Variants in MAP4 observed in about 807,000 individuals in gnomAD.
The protein encoded by MAP4 is microtubule-associated protein 4.
A neutral mutation model predicts 170.2 loss-of-function variants in MAP4; 76 were observed. The ratio of observed to expected loss-of-function variants is 0.45; its 90% confidence interval spans 0.37 to 0.54. The LOEUF (loss-of-function observed/expected upper bound fraction) is 0.54, where lower values mean the gene tolerates loss of function less well. Ranked by LOEUF, MAP4 falls within the 20% of genes least tolerant of loss-of-function variation. MAP4 has a pLI of 0.00. For missense variants in MAP4, 2,506 were observed against 2,748.0 expected, an observed-to-expected ratio of 0.91 and a Z score of 1.97; for synonymous variants, 909 against 994.5, an observed-to-expected ratio of 0.91 and a Z score of 1.62.
In MAP4 at chr3:47,875,907, GTTGATTGTTGT is replaced by G; in HGVS notation, c.5542-18_5542-8del. The stretch of plus-strand genomic sequence containing the variant: ...GTTGAGTGGTGGCCAAAGGCTTTAG[GTTGATTGTTGT>G]TTATTTTTTATTTTTATTTTTTAAA... On this transcript the variant is annotated splice_polypyrimidine_tract_variant and splice_region_variant and intron_variant, in intron 11 of 20. Coordinates refer to ENST00000683076, the MANE Select transcript of MAP4 (RefSeq NM_001385682.1). 2 of 1,571,858 alleles carry G rather than the reference GTTGATTGTTGT, an allele frequency of 1.3e-6. No homozygotes were observed. Among genetic ancestry groups the G allele is most frequent in the South Asian group, 2.4e-5 (2 of 83,840 alleles).
In MAP4 at chr3:47,911,315, G is replaced by A. The variant is rs1354979362; in HGVS notation, c.3106C>T (p.Leu1036=). 1.4e-5 allele frequency: 22 copies of A among 1,536,000 alleles called. No homozygotes were observed. Among genetic ancestry groups the A allele is most frequent in the Non-Finnish European group, 1.7e-5 (20 of 1,146,920 alleles). Residue 1036 remains leucine, a synonymous_variant, in exon 9 of 21, where the codon CTG becomes TTG. Transcript: ENST00000683076. This position sits in a 1 kb window ranked among gnomAD's most constrained non-coding sequence, Gnocchi z 4.0. The stretch of plus-strand genomic sequence containing the variant: ...ACCTGTACCAACACTTGGCCCTGCA[G>A]CTGCTCAGAAGTAAAGATGCTGATC... ...QEISIFTSEQ[L]QGQVLVQVPG...
intron 10 of MAP4, chr3:47,892,395 C>T: frequency 6.5e-7 from 1 of 1,536,238 alleles, no homozygotes; most frequent in Admixed American, 2.0e-5. Flanking sequence ...TGACTGATTT[C>T]TTTTGGGGAG....
intron 1 of MAP4, among the ~76,000 whole-genome samples, chr3:48,054,127 C>T (rs927376389): frequency 5.3e-5 from 8 of 151,840 alleles, no homozygotes; most frequent in Non-Finnish European, 1.0e-4. Context: ...CATGGTGAAA[C>T]CCCATCTCTA....
chr3:47,918,752 C>G lies in MAP4; in HGVS notation c.619G>C (p.Glu207Gln). 1 of 1,611,312 alleles carries G rather than the reference C, an allele frequency of 6.2e-7. No homozygotes were observed. Among genetic ancestry groups the G allele is most frequent in the Admixed American group, 1.7e-5 (1 of 59,992 alleles). ...GGCTGAGGAGGTTCTGCAACAGCCT[C>G]TGGGGAAACAAAGGACTCTGAGTGT... The part of the protein sequence containing the change: ...SPHSESFVSP[E>Q]AVAEPPQPTA... The change falls in exon 6 of 21, where the codon GAG becomes CAG. Residue 207 changes from glutamate to glutamine, a missense_variant. Coordinates refer to ENST00000683076, the MANE Select transcript of MAP4 (RefSeq NM_001385682.1).
chr3:48,046,783 C>T (rs2100124770), intron 1 of MAP4, among the ~76,000 whole-genome samples: 1 of 152,174 alleles, frequency 6.6e-6, no homozygotes, highest in Non-Finnish European at 1.5e-5. Flanking sequence ...CTCTCCATGA[C>T]TGTTTACTCA....
chr3:48,005,066 A>G (rs879532676), intron 1 of MAP4, among the ~76,000 whole-genome samples: 6 of 152,168 alleles, frequency 3.9e-5, no homozygotes, highest in South Asian at 2.1e-4. Context: ...CTACACTCAA[A>G]AAGAACTGTT....
At chr3:48,061,761 G>T (rs1449770878) in intron 1 of MAP4, among the ~76,000 whole-genome samples, 1 of 122,248 alleles carries the variant, frequency 8.2e-6, no homozygotes, top group East Asian at 2.6e-4. Flanking sequence ...GGCAGCCCCC[G>T]CCCGGCCAGC....
chr3:47,910,866 G>T lies in MAP4; in HGVS notation c.3555C>A (p.Val1185=). 1 of 1,535,968 alleles carries T rather than the reference G, an allele frequency of 6.5e-7. No individual in the cohort carries two copies. Among genetic ancestry groups the T allele is most frequent in the South Asian group, 1.2e-5 (1 of 84,020 alleles). Reference sequence around the variant, plus strand: ...ACCTTCCTTCCTTGCTCTGGTTATTGACACCCATATCTTTGACTACATCTC... The same window carrying T: ...ACCTTCCTTCCTTGCTCTGGTTATTTACACCCATATCTTTGACTACATCTC... ...ETGDVVKDMG[V]NNQSKEGRCP... Residue 1185 remains valine (V), a synonymous_variant, in exon 9 of 21, where the codon GTC becomes GTA. Coordinates refer to ENST00000683076, the MANE Select transcript of MAP4 (RefSeq NM_001385682.1).
chr3:47,980,448 C>T (rs949573248), intron 2 of MAP4, among the ~76,000 whole-genome samples: 9 of 152,056 alleles, frequency 5.9e-5, no homozygotes, highest in African/African-American at 1.9e-4. Context: ...TTTGGAAGAC[C>T]ACAAACATGC....
intron 10 of MAP4, chr3:47,892,796 G>A: frequency 1.7e-6 from 2 of 1,171,148 alleles, no homozygotes; most frequent in South Asian, 2.5e-5. Context: ...GTTTAGATCT[G>A]CAATTTAAAA....
intron 1 of MAP4, among the ~76,000 whole-genome samples, chr3:48,075,685 G>C (rs1466688261): frequency 6.6e-6 from 1 of 151,728 alleles, no homozygotes; most frequent in South Asian, 2.1e-4. Flanking sequence ...AAATGAAAAA[G>C]ATTTTGGGCC....
intron 1 of MAP4, among the ~76,000 whole-genome samples, chr3:48,076,757 AT>A (rs2100144143): frequency 6.6e-6 from 1 of 152,184 alleles, no homozygotes; most frequent in African/African-American, 2.4e-5. Context: ...ATCACCTTAA[AT>A]TAGGCAATCG....
chr3:48,073,250 AATACACACACACAC>A (rs1402854013), intron 1 of MAP4, among the ~76,000 whole-genome samples: 1 of 117,046 alleles, frequency 8.5e-6, no homozygotes, highest in African/African-American at 3.5e-5. Context: ...AATCCAAAGG[AATACACACACACAC>A]ACACACACAC....
intron 10 of MAP4, among the ~76,000 whole-genome samples, chr3:47,879,250 A>C (rs1374018821): frequency 1.3e-5 from 2 of 152,018 alleles, no homozygotes; most frequent in Admixed American, 6.5e-5. Flanking sequence ...GAAAAAAAAA[A>C]CAACAAAGCA....
At chr3:47,854,128 T>G (rs2050037111) in intron 19 of MAP4, among the ~76,000 whole-genome samples, 1 of 152,044 alleles carries the variant, frequency 6.6e-6, no homozygotes, top group Admixed American at 6.5e-5. Flanking sequence ...AAACAATAAT[T>G]CCAGAACTAA....
chr3:47,956,173 G>A (rs1401320906), intron 3 of MAP4, among the ~76,000 whole-genome samples: 2 of 151,550 alleles, frequency 1.3e-5, no homozygotes, highest in African/African-American at 4.9e-5. Flanking sequence ...TGAAAAACAC[G>A]TAAAAAAAAA....
chr3:48,028,799 A>G (rs1379461608), intron 1 of MAP4, among the ~76,000 whole-genome samples: 3 of 148,494 alleles, frequency 2.0e-5, no homozygotes, highest in Non-Finnish European at 4.5e-5. Context: ...CCACAAAACT[A>G]GTGGTAATTC....
intron 10 of MAP4, chr3:47,892,745 A>G: frequency 7.6e-7 from 1 of 1,309,362 alleles, no homozygotes; most frequent in African/African-American, 1.5e-5. Context: ...ACAAAATGCT[A>G]CTTTAATCTG....
rs1234953616 is a variant in MAP4 at position 47,931,652 on chromosome 3, C to CA, written c.293-3303dup. 3.6e-3 allele frequency among the ~76,000 whole-genome samples: 511 copies of CA among 142,428 alleles called. 2 individuals are homozygous for CA. The highest frequency in any genetic ancestry group is 0.012 in the South Asian group (49 of 4,194). The allele number at this position is 142,428 out of a possible 152,430, so 93.4% of individuals were successfully genotyped here. A position where few individuals can be genotyped will look rare whatever the true frequency, so the allele number is the denominator to read the frequency against. ...TGCCACCACACCTGCCTAATTTAAA[C>CA]AAAATTTTTTTTTTTTTTTTTTTGT... On this transcript the variant is annotated intron_variant, in intron 3 of 20. Coordinates refer to ENST00000683076, the MANE Select transcript of MAP4 (RefSeq NM_001385682.1).
Sources: gnomAD v4.1 joint callset for allele counts (sites outside exome capture counted in the v4.1 genomes callset) on GRCh38, gnomAD v4.1.1 for gene constraint, Gnocchi (gnomAD v3.1) non-coding constraint, MANE v1.5 for transcripts, NCBI Gene and HGNC (gene_info 2026-07-23, HGNC 2026-07-21) for gene names.